Variants in CTBP2 observed in about 807,000 individuals in gnomAD.
The protein encoded by CTBP2 is C-terminal-binding protein 2.
In CTBP2, 30 loss-of-function variants were observed where a neutral mutation model predicts 80.3. The observed-to-expected ratio is 0.37, with a 90% CI of 0.28 to 0.51. The LOEUF (loss-of-function observed/expected upper bound fraction) is 0.51, where lower values mean the gene tolerates loss of function less well. Ranked by LOEUF, CTBP2 falls within the 20% of genes least tolerant of loss-of-function variation. CTBP2 has a pLI of 0.93. For synonymous variants in CTBP2, 594 were observed against 587.4 expected (o/e 1.01, Z -0.16); for missense variants, 1,212 against 1,375.3 (o/e 0.88, Z 1.88).
chr10:125,152,522 A>AT (rs1565057500), intron 1 of CTBP2, among the ~76,000 whole-genome samples: 2 of 152,232 alleles, frequency 1.3e-5, no homozygotes, highest in Admixed American at 1.3e-4. Flanking sequence ...AGGCAATTCA[A>AT]TATTTCTTCC....
chr10:125,133,553 G>A (rs1179193333), intron 1 of CTBP2: 2 of 152,270 alleles, frequency 1.3e-5, no homozygotes, highest in African/African-American at 4.8e-5. Flanking sequence ...GCGCAGGCAG[G>A]GCCACCTCTT....
intron 1 of CTBP2, among the ~76,000 whole-genome samples, chr10:125,147,434 A>C (rs1178401818): frequency 6.6e-6 from 1 of 152,186 alleles, no homozygotes; most frequent in Non-Finnish European, 1.5e-5. Flanking sequence ...GAGTGACCTA[A>C]TACGTAGTAA....
exon 1 of CTBP2, chr10:125,160,417 C>T (rs919040730): frequency 4.5e-5 from 6 of 131,882 alleles, no homozygotes; most frequent in Non-Finnish European, 6.3e-5. Flanking sequence ...GCGGCGGTGG[C>T]GGTGGCGGCG....
At chr10:125,086,264 G>A (rs554577993) in intron 2 of CTBP2, among the ~76,000 whole-genome samples, 6 of 152,296 alleles carry the variant, frequency 3.9e-5, no homozygotes, top group African/African-American at 7.2e-5. Context: ...AGGCTCGGTG[G>A]CTAATGCCTG....
chr10:125,132,955 G>T (rs542010953), intron 1 of CTBP2, among the ~76,000 whole-genome samples: 1 of 152,190 alleles, frequency 6.6e-6, no homozygotes, highest in African/African-American at 2.4e-5. Context: ...CCCAGAAGAT[G>T]AAGTCTTTTT....
At chr10:125,065,866 G>C (rs745982179) in intron 2 of CTBP2, among the ~76,000 whole-genome samples, 1 of 152,174 alleles carries the variant, frequency 6.6e-6, no homozygotes, top group African/African-American at 2.4e-5. Context: ...TTGGGAGGCT[G>C]AGGTGGGCGG....
At position 125,061,298 on chromosome 10, in the gene CTBP2, G is replaced by A. The variant is rs1425806180; in HGVS notation, c.-101-22143C>T. ...CAGTGGAACGGCCCCCTCTGGTGGC[G>A]CTGTTGGCACCAGACACTCTGGTTC... On this transcript the variant is annotated intron_variant, in intron 2 of 10. Coordinates refer to the CTBP2 transcript ENST00000337195. Among the ~76,000 whole-genome samples, 98 of 152,294 alleles carry A rather than the reference G, an allele frequency of 6.4e-4. 1 individual carries two copies. Among genetic ancestry groups the A allele is most frequent in the Non-Finnish European group, 1.5e-5 (1 of 68,014 alleles).
In CTBP2 at chr10:125,002,952, G is replaced by A. The variant is rs780995499; in HGVS notation, c.1978+8C>T. On this transcript the variant is annotated splice_region_variant and intron_variant, in intron 3 of 8. Transcript: ENST00000309035. ...AACTCCAGGCAGCCAGCGCTGCCTCGCACTCACCGAGCTCGCCGGCAGCCT... is the reference window on the plus strand; with the variant it reads ...AACTCCAGGCAGCCAGCGCTGCCTCACACTCACCGAGCTCGCCGGCAGCCT... 31 of 1,611,940 alleles carry A rather than the reference G, an allele frequency of 1.9e-5. 1 individual carries two copies. The Admixed American group carries it at 2.2e-4, about 11-fold the overall frequency.
intron 2 of CTBP2, among the ~76,000 whole-genome samples, chr10:125,095,210 G>GA (rs1446020777): frequency 6.6e-6 from 1 of 152,120 alleles, no homozygotes; most frequent in African/African-American, 2.4e-5. Context: ...ACAGATCTTG[G>GA]AAAAAATGAA....
intron 1 of CTBP2, among the ~76,000 whole-genome samples, chr10:125,136,159 A>G (rs11245516): frequency 0.26 from 39,778 of 152,142 alleles, 5,566 homozygotes; most frequent in South Asian, 0.36. Flanking sequence ...TCAGATCCAG[A>G]TAAGGATGAG....
chr10:125,057,133 G>A (rs1234540576), intron 2 of CTBP2, among the ~76,000 whole-genome samples: 1 of 152,228 alleles, frequency 6.6e-6, no homozygotes, highest in Non-Finnish European at 1.5e-5. Flanking sequence ...TATTCCCAGA[G>A]AGGCACCCAG....
At position 125,134,303 on chromosome 10, in the gene CTBP2, T is replaced by C. The variant is rs374392964; in HGVS notation, c.-205-23210A>G. The stretch of plus-strand genomic sequence containing the variant: ...ACGGCAGTAAGAGCAGATTCAAATC[T>C]AGGCCAACTCAAGTCCACCCAGCGG... On this transcript the variant is annotated intron_variant, in intron 1 of 10. Transcript: ENST00000337195. Among the ~76,000 whole-genome samples, 11 of 152,294 alleles carry C rather than the reference T, an allele frequency of 7.2e-5. No individual in the cohort carries two copies. The South Asian group carries it at 2.3e-3, about 32-fold the overall frequency.
chr10:125,012,662 T>C (rs1305351480), intron 1 of CTBP2, among the ~76,000 whole-genome samples: 1 of 152,168 alleles, frequency 6.6e-6, no homozygotes, highest in Non-Finnish European at 1.5e-5. Flanking sequence ...TGTTTTGAGA[T>C]GGAGTCTCAC....
At chr10:125,005,369 C>T (rs1370269747) in intron 1 of CTBP2, among the ~76,000 whole-genome samples, 3 of 152,158 alleles carry the variant, frequency 2.0e-5, no homozygotes, top group South Asian at 4.1e-4. Flanking sequence ...CTGCACCTGA[C>T]GCTCAGACAC....
intron 2 of CTBP2, among the ~76,000 whole-genome samples, chr10:125,078,259 G>A (rs938627685): frequency 1.4e-4 from 20 of 138,336 alleles, no homozygotes; most frequent in Non-Finnish European, 2.4e-4. Context: ...CAGCCTGGGC[G>A]ACAGAGCGAG....
At chr10:125,000,318 C>T (rs1245007547) in intron 3 of CTBP2, 1 of 152,236 alleles carries the variant, frequency 6.6e-6, no homozygotes, top group East Asian at 1.9e-4. Context: ...TGGATGCAGC[C>T]TCCCTTCTGG....
intron 1 of CTBP2, among the ~76,000 whole-genome samples, chr10:125,119,140 A>G (rs1853878972): frequency 6.6e-6 from 1 of 152,222 alleles, no homozygotes; most frequent in Admixed American, 6.5e-5. Context: ...TATATTTACT[A>G]TAGGCCCTAC....
intron 1 of CTBP2, among the ~76,000 whole-genome samples, chr10:125,126,113 C>T (rs918602710): frequency 3.3e-5 from 5 of 152,178 alleles, no homozygotes; most frequent in East Asian, 1.9e-4. Flanking sequence ...CGCAGTGCAG[C>T]GGTGGCCTGG....
At chr10:125,109,174 C>T (rs1042604111) in intron 2 of CTBP2, among the ~76,000 whole-genome samples, 3 of 152,216 alleles carry the variant, frequency 2.0e-5, no homozygotes, top group African/African-American at 7.2e-5. Flanking sequence ...TTCCCACATC[C>T]TTCTGTTTAG....
Sources: allele counts gnomAD v4.1 joint callset (sites outside exome capture counted in the v4.1 genomes callset), GRCh38; gene constraint gnomAD v4.1.1; transcripts MANE v1.5; gene names NCBI Gene and HGNC (gene_info 2026-07-23, HGNC 2026-07-21).